WDR59: variants seen among roughly 807,000 people sequenced by gnomAD.
The protein encoded by WDR59 is WD repeat domain 59, also known as GATOR2 complex protein WDR59.
WDR59 carries 100 observed loss-of-function variants against 131.2 expected under a neutral mutation model. That is an observed-to-expected ratio of 0.76 (90% CI 0.65 to 0.90). The LOEUF (loss-of-function observed/expected upper bound fraction) is 0.90. Ranked by LOEUF, WDR59 falls within the 40% of genes least tolerant of loss-of-function variation. The pLI is 0.00. For missense variants in WDR59, 1,203 were observed against 1,262.2 expected (o/e 0.95, Z 0.71); for synonymous variants, 601 against 466.2 (o/e 1.29, Z -3.72).
At chr16:74,879,276 G>C (rs1964367366) in intron 25 of WDR59, among the ~76,000 whole-genome samples, 1 of 152,164 alleles carries the variant, frequency 6.6e-6, no homozygotes, top group Non-Finnish European at 1.5e-5. Flanking sequence ...GAGGATTGTT[G>C]AGCTCAGCAG....
intron 1 of WDR59, among the ~76,000 whole-genome samples, chr16:74,968,964 C>T (rs560363156): frequency 1.1e-4 from 16 of 152,236 alleles, no homozygotes; most frequent in Middle Eastern, 3.4e-3. Flanking sequence ...GAAGTGAAAA[C>T]GACCTAACCA....
At chr16:74,892,341 C>G (rs934586055) in intron 20 of WDR59, 143 bp downstream of exon 20, 1 of 742,588 alleles carries the variant, frequency 1.3e-6, no homozygotes, top group African/African-American at 1.8e-5. Context: ...CCACTCTAAC[C>G]CTACAGACTG....
intron 8 of WDR59, among the ~76,000 whole-genome samples, chr16:74,935,834 T>C (rs1411039915): frequency 6.6e-6 from 1 of 151,958 alleles, no homozygotes; most frequent in Non-Finnish European, 1.5e-5. Context: ...CCATCTCTAC[T>C]AAAAACACAA....
chr16:74,961,970 G>C (rs1035901947), intron 2 of WDR59, among the ~76,000 whole-genome samples: 2 of 152,040 alleles, frequency 1.3e-5, no homozygotes, highest in African/African-American at 2.4e-5. Context: ...TTTTTTATAA[G>C]GTTTAAGGAA....
rs1377115326 is a variant in WDR59 at position 74,871,998 on chromosome 16, AGT to A, written c.*2209_*2210del. On this transcript the variant is annotated 3_prime_UTR_variant, in exon 26 of 26. Coordinates refer to ENST00000262144, the MANE Select transcript of WDR59 (RefSeq NM_030581.4). Reference sequence around the variant, plus strand: ...ACGAGGTATAAGCTTCATCCAAAACAGTGTTGTGAAAATGTTTTGACTACAAC... The same window carrying A: ...ACGAGGTATAAGCTTCATCCAAAACAGTTGTGAAAATGTTTTGACTACAAC... The A allele has an allele frequency of 6.6e-6, 1 of 152,224 alleles. No homozygotes were observed. Among genetic ancestry groups the A allele is most frequent in the Non-Finnish European group, 1.5e-5 (1 of 68,040 alleles). 9.4% of individuals were successfully genotyped at this position (152,224 alleles called of 1,614,324 possible).
At chr16:74,955,558 T>G (rs2145157813) in intron 3 of WDR59, among the ~76,000 whole-genome samples, 1 of 152,302 alleles carries the variant, frequency 6.6e-6, no homozygotes, top group South Asian at 2.1e-4. Flanking sequence ...AGAATAGCCC[T>G]GAAAATCAGC....
intron 1 of WDR59, among the ~76,000 whole-genome samples, chr16:74,979,756 GTCTCGAACTC>G (rs1304350755): frequency 6.7e-6 from 1 of 148,844 alleles, no homozygotes; most frequent in Non-Finnish European, 1.5e-5. Flanking sequence ...GGCCAGGCTG[GTCTCGAACTC>G]CCAACCTCAA....
Position 74,889,779 on chromosome 16 carries a change from G to A in WDR59, c.2119C>T (p.Leu707Phe). The A allele has an allele frequency of 6.2e-7, 1 of 1,614,122 alleles. No homozygotes were observed. Among genetic ancestry groups the A allele is most frequent in the Non-Finnish European group, 8.5e-7 (1 of 1,180,022 alleles). Residue 707 changes from leucine (L) to phenylalanine (F), a missense_variant, in exon 21 of 26, where the codon CTT becomes TTT. By Grantham distance (22) the Leu-to-Phe change is conservative. Transcript: ENST00000262144. ...SLATVATDLC[L>F]GPKSDPDLET... ...AAATCTGGGTCAGATTTCGGACCAA[G>A]GCAAAGATCTGTAGCTACCGTAGCC...
chr16:74,936,756 C>T (rs1436876075), intron 8 of WDR59, among the ~76,000 whole-genome samples: 7 of 150,166 alleles, frequency 4.7e-5, no homozygotes, highest in African/African-American at 1.2e-4. Context: ...AACCCAGGAG[C>T]GGAGGTTGCA....
At chr16:74,979,423 G>A (rs1454621059) in intron 1 of WDR59, among the ~76,000 whole-genome samples, 2 of 151,390 alleles carry the variant, frequency 1.3e-5, no homozygotes, top group African/African-American at 4.9e-5. Flanking sequence ...CCAAGATCGA[G>A]CCACTGCACT....
At chr16:74,875,642 C>T (rs1046088576) in intron 25 of WDR59, among the ~76,000 whole-genome samples, 2 of 152,224 alleles carry the variant, frequency 1.3e-5, no homozygotes, top group Non-Finnish European at 2.9e-5. Context: ...ACCCTTCAGT[C>T]CACCTGCCCC....
intron 1 of WDR59, among the ~76,000 whole-genome samples, chr16:74,972,506 G>A: frequency 6.6e-6 from 1 of 152,048 alleles, no homozygotes; most frequent in East Asian, 1.9e-4. Context: ...AGCAGAAACG[G>A]TATGCATCGG....
intron 10 of WDR59, 59 bp from the exon 11 acceptor site, chr16:74,918,067 G>C: frequency 6.4e-7 from 1 of 1,552,384 alleles, no homozygotes. Context: ...CTATTTGCTA[G>C]AGGTTGAAAT....
intron 1 of WDR59, among the ~76,000 whole-genome samples, chr16:74,982,757 T>C (rs766028036): frequency 2.0e-5 from 3 of 152,176 alleles, no homozygotes; most frequent in Non-Finnish European, 4.4e-5. Context: ...TTGGGGGTCC[T>C]TAATCCAAAT....
rs1385628485 is a variant in WDR59, at chr16:74,976,425, TTTTC to T, written c.54+8535_54+8538del. Among the ~76,000 whole-genome samples the T allele has an allele frequency of 4.0e-5, 6 of 151,638 alleles. No homozygotes were observed. In the East Asian group the frequency reaches 9.7e-4, roughly 25 times the overall value. On this transcript the variant is annotated intron_variant, in intron 1 of 25. Transcript: ENST00000262144. ...CTTTATGAATCTAGGATACGAACGT[TTTTC>T]TTTTTCTTTTCTTTTTTTTTTTTTT... is the stretch of plus-strand genomic sequence containing the variant.
At chr16:74,971,243 C>T (rs967828715) in intron 1 of WDR59, among the ~76,000 whole-genome samples, 18 of 151,856 alleles carry the variant, frequency 1.2e-4, no homozygotes, top group Admixed American at 5.9e-4. Flanking sequence ...TTAATACCTC[C>T]TAGGACAATA....
chr16:74,974,951 T>C lies in WDR59; in HGVS notation c.55-9129A>G, dbSNP rs183688475. Among the ~76,000 whole-genome samples the C allele has an allele frequency of 7.9e-5, 12 of 152,344 alleles. No homozygotes were observed. In the East Asian group the frequency reaches 2.1e-3, roughly 27 times the overall value. On this transcript the variant is annotated intron_variant, in intron 1 of 25. Transcript: ENST00000262144. Reference sequence around the variant, plus strand: ...CCTTTGATTCTGCATTGTGTCCTTTTGCTGTAATATGTAATGACTGCAAAT... The same window carrying C: ...CCTTTGATTCTGCATTGTGTCCTTTCGCTGTAATATGTAATGACTGCAAAT...
intron 14 of WDR59, chr16:74,911,891 T>A (rs1966111299): frequency 7.8e-6 from 4 of 514,554 alleles, no homozygotes; most frequent in African/African-American, 5.7e-5. Flanking sequence ...TTCTATGCAA[T>A]TCACATATTT....
At chr16:74,943,242 T>C (rs1312064774) in intron 6 of WDR59, among the ~76,000 whole-genome samples, 59 of 50,966 alleles carry the variant, frequency 1.2e-3, no homozygotes, top group Non-Finnish European at 1.8e-3. Context: ...CCTGCCCCCT[T>C]TTTTTTTTTT....
Sources: allele counts gnomAD v4.1 joint callset (sites outside exome capture counted in the v4.1 genomes callset), GRCh38; gene constraint gnomAD v4.1.1; transcripts MANE v1.5; gene names NCBI Gene and HGNC (gene_info 2026-07-23, HGNC 2026-07-21).